The following CNNM1 variants were observed in gnomAD, a reference collection of about 807,000 sequenced individuals.
The protein encoded by CNNM1 is cyclin and CBS domain divalent metal cation transport mediator 1, also known as metal transporter CNNM1.
CNNM1 carries 44 observed loss-of-function variants against 78.8 expected under a neutral mutation model. The observed-to-expected ratio is 0.56, with a 90% CI of 0.44 to 0.72. The LOEUF (loss-of-function observed/expected upper bound fraction) is 0.72, where lower values mean the gene tolerates loss of function less well. Among genes scored for constraint, CNNM1 ranks in the 30% least tolerant of loss-of-function variants. The pLI is 0.00. For synonymous variants in CNNM1, 584 were observed against 581.5 expected, an observed-to-expected ratio of 1.00 and a Z score of -0.06; for missense variants, 1,101 against 1,292.2, an observed-to-expected ratio of 0.85 and a Z score of 2.27.
intron 6 of CNNM1, among the ~76,000 whole-genome samples, chr10:99,366,901 T>G (rs1245766745): frequency 6.6e-6 from 1 of 152,258 alleles, no homozygotes; most frequent in Non-Finnish European, 1.5e-5. Context: ...GAAATAAAGT[T>G]GCAACATTGA....
intron 7 of CNNM1, among the ~76,000 whole-genome samples, chr10:99,377,960 CTTTTTT>C (rs66722952): frequency 1.1e-5 from 1 of 89,642 alleles, no homozygotes; most frequent in Non-Finnish European, 2.3e-5. Context: ...TCCATAGGTT[CTTTTTT>C]TTTTTTTTTT....
rs753360608 is a variant in CNNM1 at position 99,388,032 on chromosome 10, G to A, written c.2524+29G>A. On this transcript the variant is annotated intron_variant, in intron 8 of 10. Transcript: ENST00000356713. ...AGTCAGCTGGGCAGACGGGCAGGCTGGGCTGGTGTGGGGTGAGGATGACCC... is the reference window on the plus strand; with the variant it reads ...AGTCAGCTGGGCAGACGGGCAGGCTAGGCTGGTGTGGGGTGAGGATGACCC... 1.9e-6 allele frequency: 3 copies of A among 1,576,630 alleles called. No individual in the cohort carries two copies. In the Admixed American group the frequency reaches 5.3e-5, roughly 28 times the overall value.
At chr10:99,334,629 T>A (rs897071581) in intron 1 of CNNM1, among the ~76,000 whole-genome samples, 3 of 152,136 alleles carry the variant, frequency 2.0e-5, no homozygotes. Flanking sequence ...CCAGCCTGGG[T>A]GACAGAGAAA....
intron 6 of CNNM1, among the ~76,000 whole-genome samples, chr10:99,369,969 A>G (rs1384667873): frequency 6.6e-6 from 1 of 152,210 alleles, no homozygotes; most frequent in East Asian, 1.9e-4. Context: ...GCACATTTTA[A>G]AAGACTTTCA....
chr10:99,357,857 T>G (rs2031277060), intron 2 of CNNM1, among the ~76,000 whole-genome samples: 1 of 152,120 alleles, frequency 6.6e-6, no homozygotes, highest in Non-Finnish European at 1.5e-5. Flanking sequence ...GCTAGCTAAG[T>G]GTTTATCAGG....
At chr10:99,368,477 A>C (rs1223507993) in intron 6 of CNNM1, 5 of 392,518 alleles carry the variant, frequency 1.3e-5, no homozygotes, top group Non-Finnish European at 2.5e-5. Flanking sequence ...TTTCAGAGTC[A>C]AGATTCCTTT....
chr10:99,389,474 G>A lies in CNNM1; in HGVS notation c.2675-832G>A, dbSNP rs560269256. 2.0e-5 allele frequency among the ~76,000 whole-genome samples: 3 copies of A among 151,768 alleles called. No homozygotes were observed. In the South Asian group the frequency reaches 6.3e-4, roughly 32 times the overall value. Reference sequence around the variant, plus strand: ...AACAAGACAATATGTTTGAACTTGTGGCTGACCCAGAAAATCTGGGACATA... The same window carrying A: ...AACAAGACAATATGTTTGAACTTGTAGCTGACCCAGAAAATCTGGGACATA... On this transcript the variant is annotated intron_variant, in intron 9 of 10. Coordinates refer to ENST00000356713, the MANE Select transcript of CNNM1 (RefSeq NM_020348.3).
chr10:99,329,618 GCCAGGACCGCCGGCCACCGCCGCA>G lies in CNNM1; in HGVS notation c.234_257del (p.Gly79_Pro86del). The G allele has an allele frequency of 6.6e-7, 1 of 1,508,244 alleles. No individual in the cohort carries two copies. Among genetic ancestry groups the G allele is most frequent in the East Asian group, 2.6e-5 (1 of 38,096 alleles). The allele number at this position is 1,508,244 out of a possible 1,614,324, so 93.4% of individuals were successfully genotyped here. A position where few individuals can be genotyped will look rare whatever the true frequency, so the allele number is the denominator to read the frequency against. On this transcript the variant is annotated inframe_deletion, in exon 1 of 11. Transcript: ENST00000356713. ...GCTTCCTCCTGCGTGTCTATTTCCA[GCCAGGACCGCCGGCCACCGCCGCA>G]CCGGTGCCCTCACCGACCCTCAACT...
intron 1 of CNNM1, among the ~76,000 whole-genome samples, chr10:99,348,852 G>A (rs1312798748): frequency 6.6e-6 from 1 of 152,062 alleles, no homozygotes; most frequent in Non-Finnish European, 1.5e-5. Context: ...AGGAGTTTGA[G>A]GCCAGCCTGG....
intron 2 of CNNM1, among the ~76,000 whole-genome samples, chr10:99,358,447 A>G (rs2031299874): frequency 6.6e-6 from 1 of 152,344 alleles, no homozygotes; most frequent in South Asian, 2.1e-4. Flanking sequence ...ATTTCATCTC[A>G]TGGAATAGCC....
At chr10:99,364,375 C>T (rs1589906859) in intron 4 of CNNM1, 42 bp from the exon 5 acceptor site, 1 of 1,445,858 alleles carries the variant, frequency 6.9e-7, no homozygotes, top group Non-Finnish European at 9.6e-7. Flanking sequence ...ACTGGAAGTG[C>T]TCATACACAT....
intron 9 of CNNM1, 26 bp from the exon 10 acceptor site, chr10:99,390,280 T>G (rs781130572): frequency 6.4e-7 from 1 of 1,556,764 alleles, no homozygotes; most frequent in Non-Finnish European, 8.8e-7. Flanking sequence ...TTGAGACAAC[T>G]TGAGTTCTCT....
Position 99,393,553 on chromosome 10 carries a change from A to G in CNNM1, c.*2037A>G, listed in dbSNP as rs975780490. 3 of 152,632 alleles carry G rather than the reference A, an allele frequency of 2.0e-5. No individual in the cohort carries two copies. The highest frequency in any genetic ancestry group is 2.9e-5 in the Non-Finnish European group (2 of 68,040). 9.5% of individuals were successfully genotyped at this position (152,632 alleles called of 1,614,324 possible). ...AAAACACTACTATTTTAAATAGTGG[A>G]ACTTTCAGCCCAGCGTTTCTGCAAT... On this transcript the variant is annotated 3_prime_UTR_variant, in exon 11 of 11. Coordinates refer to ENST00000356713, the MANE Select transcript of CNNM1 (RefSeq NM_020348.3).
At chr10:99,347,281 G>A (rs2134027769) in intron 1 of CNNM1, among the ~76,000 whole-genome samples, 1 of 152,192 alleles carries the variant, frequency 6.6e-6, no homozygotes, top group African/African-American at 2.4e-5. Context: ...AGCACTTTGG[G>A]AGGCGGAGGC....
intron 1 of CNNM1, among the ~76,000 whole-genome samples, chr10:99,348,075 C>T (rs1438292510): frequency 1.3e-5 from 2 of 149,564 alleles, no homozygotes; most frequent in Non-Finnish European, 2.9e-5. Flanking sequence ...GACAACATCT[C>T]ACTGTCACCC....
intron 2 of CNNM1, among the ~76,000 whole-genome samples, chr10:99,359,303 G>A (rs979502896): frequency 1.3e-5 from 2 of 152,278 alleles, no homozygotes; most frequent in Non-Finnish European, 2.9e-5. Context: ...ACTAGTGAGA[G>A]CGAAAGAGCT....
intron 1 of CNNM1, among the ~76,000 whole-genome samples, chr10:99,354,490 G>T (rs1240656106): frequency 1.3e-5 from 2 of 152,198 alleles, no homozygotes; most frequent in African/African-American, 2.4e-5. Flanking sequence ...CTGATATATG[G>T]AGGGAACTTT....
At chr10:99,383,310 G>A (rs988156218) in intron 7 of CNNM1, among the ~76,000 whole-genome samples, 1 of 151,948 alleles carries the variant, frequency 6.6e-6, no homozygotes, top group African/African-American at 2.4e-5. Flanking sequence ...GTGCAGTGGC[G>A]TGATCTTCTA....
At position 99,329,682 on chromosome 10, in the gene CNNM1, A is replaced by G; in HGVS notation, c.295A>G (p.Thr99Ala). 1.3e-6 allele frequency: 2 copies of G among 1,554,672 alleles called. No individual in the cohort carries two copies. Among genetic ancestry groups the G allele is most frequent in the Admixed American group, 1.8e-5 (1 of 55,698 alleles). The change falls in exon 1 of 11, where the codon ACC becomes GCC. Residue 99 changes from threonine to alanine, a missense_variant. Physicochemically the swap from Thr to Ala is moderately conservative, Grantham distance 58. Transcript: ENST00000356713. ...GACCCTCAACTCGGGGGAGAATGGC[A>G]CCGGCGACTGGGCTCCGCGGCTCGT... The part of the protein sequence containing the change: ...SPTLNSGENG[T>A]GDWAPRLVFI...
Sources: gnomAD v4.1 joint callset for allele counts (sites outside exome capture counted in the v4.1 genomes callset) on GRCh38, gnomAD v4.1.1 for gene constraint, MANE v1.5 for transcripts, NCBI Gene and HGNC (gene_info 2026-07-23, HGNC 2026-07-21) for gene names.